The following PRKCE variants were observed in gnomAD, a reference collection of about 807,000 sequenced individuals.
The protein encoded by PRKCE is protein kinase C epsilon.
In PRKCE, 16 loss-of-function variants were observed where a neutral mutation model predicts 85.4. That is an observed-to-expected ratio of 0.19 (90% CI 0.13 to 0.28). PRKCE has a LOEUF of 0.28. Among genes scored for constraint, PRKCE ranks in the 10% least tolerant of loss-of-function variants. PRKCE has a pLI of 1.00. For synonymous variants in PRKCE, 388 were observed against 371.5 expected (o/e 1.04, Z -0.51); for missense variants, 573 against 975.2 (o/e 0.59, Z 5.49).
intron 2 of PRKCE, among the ~76,000 whole-genome samples, chr2:45,903,120 A>G (rs75943041): frequency 0.043 from 6,620 of 152,296 alleles, 193 homozygotes; most frequent in Non-Finnish European, 0.064. Context: ...GTGAATCACT[A>G]TCAATAGTCA....
intron 1 of PRKCE, among the ~76,000 whole-genome samples, chr2:45,785,481 C>T (rs1350150076): frequency 6.7e-6 from 1 of 150,292 alleles, no homozygotes; most frequent in African/African-American, 2.5e-5. Flanking sequence ...ACAGATGAGA[C>T]TCCCTCTCAA....
intron 2 of PRKCE, among the ~76,000 whole-genome samples, chr2:45,958,129 T>C (rs1476048502): frequency 1.4e-5 from 2 of 147,926 alleles, no homozygotes; most frequent in Non-Finnish European, 1.5e-5. Flanking sequence ...CCTCAGAATT[T>C]AGTTCATTTA....
chr2:45,991,330 C>G (rs996783444), intron 6 of PRKCE, among the ~76,000 whole-genome samples: 1 of 152,084 alleles, frequency 6.6e-6, no homozygotes, highest in African/African-American at 2.4e-5. Context: ...TTCTGTCTCT[C>G]CCAATCCAAA....
chr2:45,762,027 C>T (rs1342183517), intron 1 of PRKCE, among the ~76,000 whole-genome samples: 1 of 152,202 alleles, frequency 6.6e-6, no homozygotes, highest in East Asian at 1.9e-4. Context: ...CCATCCCACC[C>T]TCTCACATGG....
chr2:45,934,377 G>C (rs926260293), intron 2 of PRKCE, among the ~76,000 whole-genome samples: 1 of 152,212 alleles, frequency 6.6e-6, no homozygotes, highest in African/African-American at 2.4e-5. Flanking sequence ...GGCCAGGCAT[G>C]GTCACTCATG....
chr2:45,959,928 A>T (rs1701266453), intron 2 of PRKCE, among the ~76,000 whole-genome samples: 1 of 152,092 alleles, frequency 6.6e-6, no homozygotes, highest in African/African-American at 2.4e-5. Flanking sequence ...TTGTTTGTTT[A>T]CTAGCAGTCT....
chr2:45,806,644 G>C (rs1200734161), intron 1 of PRKCE, among the ~76,000 whole-genome samples: 1 of 152,158 alleles, frequency 6.6e-6, no homozygotes, highest in East Asian at 1.9e-4. Flanking sequence ...CTATGAATGT[G>C]ACTACTGTAG....
intron 1 of PRKCE, among the ~76,000 whole-genome samples, chr2:45,733,760 C>T (rs528195668): frequency 3.9e-5 from 6 of 152,294 alleles, no homozygotes; most frequent in Admixed American, 6.5e-5. Context: ...TAGTAGGAAG[C>T]GCTCGGGGCT....
At position 45,983,424 on chromosome 2, in the gene PRKCE, G is replaced by A. The variant is rs61756861; in HGVS notation, c.694-1127G>A. On this transcript the variant is annotated intron_variant, in intron 5 of 14. Coordinates refer to ENST00000306156, the MANE Select transcript of PRKCE (RefSeq NM_005400.3). ...ATGTCCTGGGTGATGGTCTCCTGCCGATACTGAGAGGGGCTGGGGGTGCAG... is the reference window on the plus strand; with the variant it reads ...ATGTCCTGGGTGATGGTCTCCTGCCAATACTGAGAGGGGCTGGGGGTGCAG... Among the ~76,000 whole-genome samples the A allele has an allele frequency of 6.4e-3, 969 of 152,254 alleles. 15 individuals carry two copies. Among genetic ancestry groups the A allele is most frequent in the African/African-American group, 0.022 (929 of 41,552 alleles).
intron 11 of PRKCE, among the ~76,000 whole-genome samples, chr2:46,100,193 C>T (rs1475280590): frequency 6.6e-6 from 1 of 152,110 alleles, no homozygotes; most frequent in African/African-American, 2.4e-5. Context: ...GGTAACTGAT[C>T]CCAAGTAACA....
intron 1 of PRKCE, among the ~76,000 whole-genome samples, chr2:45,812,405 T>TA (rs1688718506): frequency 1.3e-5 from 2 of 152,168 alleles, no homozygotes; most frequent in African/African-American, 4.8e-5. Flanking sequence ...AACAAGTACT[T>TA]ACGGAGCATT....
chr2:45,878,733 A>T (rs921673332), intron 2 of PRKCE, among the ~76,000 whole-genome samples: 2 of 152,240 alleles, frequency 1.3e-5, no homozygotes, highest in African/African-American at 4.8e-5. Context: ...AAAACAGCAG[A>T]ATAAAAAGCT....
Position 46,151,223 on chromosome 2 carries a change from G to A in PRKCE, c.1914G>A (p.Leu638=), listed in dbSNP as rs778327052. 5.6e-6 allele frequency: 9 copies of A among 1,593,442 alleles called. No homozygotes were observed. In the South Asian group the frequency reaches 8.8e-5, roughly 16 times the overall value. Residue 638 remains leucine, a synonymous_variant, in exon 13 of 15, where the codon TTG becomes TTA. Transcript: ENST00000306156. The part of the protein sequence containing the change: ...VWLSKEAVSI[L]KAFMTKNPHK... The stretch of plus-strand genomic sequence containing the variant: ...TCAGCAAGGAGGCTGTCAGCATCTT[G>A]AAAGCTGTGAGTCACTGCCCCTCAC...
At chr2:45,950,970 C>G (rs1183090906) in intron 2 of PRKCE, among the ~76,000 whole-genome samples, 2 of 152,222 alleles carry the variant, frequency 1.3e-5, no homozygotes, top group African/African-American at 4.8e-5. Flanking sequence ...ATCATGTTCA[C>G]TTGGCCACCA....
chr2:45,932,406 G>T (rs1034341711), intron 2 of PRKCE, among the ~76,000 whole-genome samples: 4 of 152,078 alleles, frequency 2.6e-5, no homozygotes, highest in African/African-American at 9.7e-5. Context: ...AAATGTACAC[G>T]CTGGCATTGA....
chr2:45,987,967 A>G (rs1007545449), intron 6 of PRKCE, among the ~76,000 whole-genome samples: 1 of 152,190 alleles, frequency 6.6e-6, no homozygotes, highest in East Asian at 1.9e-4. Context: ...GATTACTAAG[A>G]AAAAGAAATC....
At chr2:45,976,023 G>A (rs1261013599) in intron 2 of PRKCE, among the ~76,000 whole-genome samples, 4 of 152,168 alleles carry the variant, frequency 2.6e-5, no homozygotes, top group Non-Finnish European at 2.9e-5. Flanking sequence ...AGGGAGATGC[G>A]CTCAGATGCT....
chr2:45,737,372 A>G (rs1682161592), intron 1 of PRKCE, among the ~76,000 whole-genome samples: 1 of 152,158 alleles, frequency 6.6e-6, no homozygotes, highest in Admixed American at 6.5e-5. Flanking sequence ...AGGCGGAATC[A>G]GGCCTGCCAG....
intron 1 of PRKCE, among the ~76,000 whole-genome samples, chr2:45,776,571 A>G (rs1420808258): frequency 1.3e-5 from 2 of 152,212 alleles, no homozygotes; most frequent in African/African-American, 4.8e-5. Context: ...AGTATTTTCC[A>G]GTAGGTGGTC....
Sources: gnomAD v4.1 joint callset for allele counts (sites outside exome capture counted in the v4.1 genomes callset) on GRCh38, gnomAD v4.1.1 for gene constraint, MANE v1.5 for transcripts, NCBI Gene and HGNC (gene_info 2026-07-23, HGNC 2026-07-21) for gene names.